RBFOX1: variants seen among roughly 807,000 people sequenced by gnomAD.
The protein encoded by RBFOX1 is RNA binding fox-1 homolog 1, also known as RNA binding protein fox-1 homolog 1.
A neutral mutation model predicts 57.7 loss-of-function variants in RBFOX1; 8 were observed. The observed-to-expected ratio is 0.14, with a 90% CI of 0.08 to 0.25. RBFOX1 has a LOEUF of 0.25. Among genes scored for constraint, RBFOX1 ranks in the 10% least tolerant of loss-of-function variants. The pLI, the probability that RBFOX1 is intolerant of heterozygous loss-of-function variation, is 1.00. For synonymous variants in RBFOX1, 326 were observed against 222.4 expected (o/e 1.47, Z -4.15); for missense variants, 611 against 548.5 (o/e 1.11, Z -1.14).
At chr16:5,500,412 G>T (rs959050854) in intron 2 of RBFOX1, among the ~76,000 whole-genome samples, 2 of 152,048 alleles carry the variant, frequency 1.3e-5, no homozygotes, top group African/African-American at 4.8e-5. Flanking sequence ...CTGTAGAGAT[G>T]AAGTCTCCTT....
intron 4 of RBFOX1, among the ~76,000 whole-genome samples, chr16:7,139,880 G>A (rs2073197855): frequency 6.6e-6 from 1 of 152,200 alleles, no homozygotes; most frequent in African/African-American, 2.4e-5. Flanking sequence ...CCCTTAGGAT[G>A]GGGTGAGCTT....
At chr16:7,543,661 CAGTATCTGTGTGTGTG>C (rs1335227341) in intron 5 of RBFOX1, among the ~76,000 whole-genome samples, 1 of 143,360 alleles carries the variant, frequency 7.0e-6, no homozygotes, top group African/African-American at 2.6e-5. Flanking sequence ...CCATGCTGGG[CAGTATCTGTGTGTGTG>C]TGTGTGTGTG....
intron 4 of RBFOX1, among the ~76,000 whole-genome samples, chr16:5,966,329 C>T (rs1306083516): frequency 6.6e-6 from 1 of 152,200 alleles, no homozygotes; most frequent in Non-Finnish European, 1.5e-5. Context: ...TCGGGAAGGG[C>T]AGTGGCATCC....
chr16:5,867,176 T>G lies in RBFOX1; in HGVS notation c.319-127T>G, dbSNP rs557734567. ...TGTGTGTGTGTGTGTGTGTGTGTGG[T>G]GTGTGTTGCAACCTTTGTCCCCTCG... On this transcript the variant is annotated intron_variant, in intron 3 of 19. Transcript: ENST00000641259. The G allele has an allele frequency of 7.4e-5, 30 of 406,072 alleles. No individual in the cohort carries two copies. The South Asian group carries it at 3.4e-3, about 46-fold the overall frequency. 25.2% of individuals were successfully genotyped at this position (406,072 alleles called of 1,614,324 possible).
chr16:5,256,909 G>C (rs1026823623), intron 1 of RBFOX1, among the ~76,000 whole-genome samples: 1 of 151,762 alleles, frequency 6.6e-6, no homozygotes, highest in African/African-American at 2.4e-5. Flanking sequence ...ACTCCAGCCT[G>C]AGTGACAGAG....
intron 3 of RBFOX1, among the ~76,000 whole-genome samples, chr16:6,952,759 C>T (rs566143898): frequency 1.1e-4 from 17 of 152,168 alleles, no homozygotes; most frequent in African/African-American, 2.9e-4. Flanking sequence ...GGGCGGATCA[C>T]GAGGTCAGGA....
intron 4 of RBFOX1, among the ~76,000 whole-genome samples, chr16:7,218,197 A>G (rs185938766): frequency 3.9e-5 from 6 of 152,250 alleles, no homozygotes; most frequent in African/African-American, 1.4e-4. Context: ...GTGGGGAGTG[A>G]GTTTAAACCT....
At chr16:7,169,559 T>A (rs1308068618) in intron 4 of RBFOX1, among the ~76,000 whole-genome samples, 1 of 152,200 alleles carries the variant, frequency 6.6e-6, no homozygotes, top group African/African-American at 2.4e-5. Flanking sequence ...AACAGTGATG[T>A]ACATGATTAA....
chr16:5,659,123 A>G (rs1046222217), intron 3 of RBFOX1, among the ~76,000 whole-genome samples: 2 of 152,044 alleles, frequency 1.3e-5, no homozygotes, highest in Non-Finnish European at 2.9e-5. Context: ...CATTCCCACC[A>G]TCAGTGCAGA....
chr16:6,154,473 T>C (rs2096824896), intron 1 of RBFOX1, among the ~76,000 whole-genome samples: 1 of 152,206 alleles, frequency 6.6e-6, no homozygotes, highest in South Asian at 2.1e-4. Flanking sequence ...AGTGAATCTA[T>C]TATCCTACAG....
intron 4 of RBFOX1, among the ~76,000 whole-genome samples, chr16:7,231,831 C>T (rs1192000817): frequency 6.6e-6 from 1 of 152,118 alleles, no homozygotes; most frequent in African/African-American, 2.4e-5. Context: ...ATTTCCTTCA[C>T]CTGAAATATC....
At chr16:7,639,371 G>C (rs1478255230) in intron 11 of RBFOX1, among the ~76,000 whole-genome samples, 5 of 152,168 alleles carry the variant, frequency 3.3e-5, no homozygotes, top group African/African-American at 1.2e-4. Context: ...CAGCATTACG[G>C]TGGCAGCCTA....
intron 4 of RBFOX1, among the ~76,000 whole-genome samples, chr16:7,326,737 G>A (rs1267421026): frequency 1.3e-5 from 2 of 152,000 alleles, no homozygotes; most frequent in African/African-American, 4.8e-5. Context: ...AAGGGCGACA[G>A]AGCCCAGATC....
intron 3 of RBFOX1, among the ~76,000 whole-genome samples, chr16:6,725,451 A>T (rs1335142718): frequency 1.3e-5 from 2 of 151,846 alleles, no homozygotes; most frequent in Non-Finnish European, 2.9e-5. Flanking sequence ...ACAATCCCCA[A>T]CCTACCGTGA....
intron 3 of RBFOX1, among the ~76,000 whole-genome samples, chr16:6,970,423 G>A (rs2085279157): frequency 6.6e-6 from 1 of 152,138 alleles, no homozygotes; most frequent in Non-Finnish European, 1.5e-5. Context: ...TGCTCAGGCT[G>A]CTACATCAAG....
chr16:6,093,923 A>G (rs985731032), intron 1 of RBFOX1, among the ~76,000 whole-genome samples: 3 of 151,958 alleles, frequency 2.0e-5, no homozygotes, highest in African/African-American at 4.8e-5. Context: ...CCCTGCCTGT[A>G]TATTGTTTGA....
chr16:7,562,313 G>T (rs773666363), intron 5 of RBFOX1, among the ~76,000 whole-genome samples: 37 of 152,214 alleles, frequency 2.4e-4, no homozygotes, highest in Middle Eastern at 3.4e-3. Context: ...AATGCATTAG[G>T]GTACCTGCCG....
intron 1 of RBFOX1, among the ~76,000 whole-genome samples, chr16:5,274,088 C>T (rs551928967): frequency 5.3e-5 from 8 of 152,296 alleles, no homozygotes; most frequent in Admixed American, 2.0e-4. Context: ...AAACCTGGTA[C>T]GTAGAAGTGC....
chr16:6,077,807 C>G (rs2095931308), intron 1 of RBFOX1, among the ~76,000 whole-genome samples: 1 of 151,974 alleles, frequency 6.6e-6, no homozygotes, highest in Non-Finnish European at 1.5e-5. Context: ...GCCTCGACCT[C>G]CTGGCCTCAA....
Sources: allele counts gnomAD v4.1 joint callset (sites outside exome capture counted in the v4.1 genomes callset), GRCh38; gene constraint gnomAD v4.1.1; transcripts MANE v1.5; gene names NCBI Gene and HGNC (gene_info 2026-07-23, HGNC 2026-07-21).